GABRB1: variants seen among roughly 807,000 people sequenced by gnomAD.
GABRB1 encodes gamma-aminobutyric acid type A receptor subunit beta1, also known as gamma-aminobutyric acid receptor subunit beta-1.
A neutral mutation model predicts 51.6 loss-of-function variants in GABRB1; 17 were observed. The ratio of observed to expected loss-of-function variants is 0.33; its 90% CI spans 0.23 to 0.49. The LOEUF is 0.49. Among genes scored for constraint, GABRB1 ranks in the 20% least tolerant of loss-of-function variants. GABRB1 has a pLI of 0.99. For missense variants in GABRB1, 410 were observed against 600.6 expected (o/e 0.68, Z 3.32); for synonymous variants, 247 against 218.9 (o/e 1.13, Z -1.14).
At chr4:47,122,023 C>G (rs1360337056) in intron 3 of GABRB1, among the ~76,000 whole-genome samples, 1 of 103,794 alleles carries the variant, frequency 9.6e-6, no homozygotes, top group East Asian at 2.7e-4. Flanking sequence ...TAATCCATTT[C>G]CATGATATCT....
chr4:47,238,965 C>A (rs1185793815), intron 4 of GABRB1, among the ~76,000 whole-genome samples: 1 of 152,166 alleles, frequency 6.6e-6, no homozygotes, highest in Non-Finnish European at 1.5e-5. Flanking sequence ...GACAGACATT[C>A]ATGGTCAATG....
intron 3 of GABRB1, among the ~76,000 whole-genome samples, chr4:47,042,868 T>C (rs546472329): frequency 6.6e-6 from 1 of 152,078 alleles, no homozygotes; most frequent in East Asian, 1.9e-4. Context: ...AAATTATACA[T>C]ATACCTCATG....
Position 47,376,344 on chromosome 4 carries a change from G to T in GABRB1, c.545-26974G>T, listed in dbSNP as rs113809131. The stretch of plus-strand genomic sequence containing the variant: ...GGCCAAAAAGGGCCCAGAGGATCTG[G>T]CGGTTAAGAAGCCATAGATGGGCCG... On this transcript the variant is annotated intron_variant, in intron 5 of 8. Transcript: ENST00000295454. 5.9e-3 allele frequency among the ~76,000 whole-genome samples: 896 copies of T among 152,294 alleles called. 9 individuals carry two copies. The highest frequency in any genetic ancestry group is 0.02 in the African/African-American group (829 of 41,560).
chr4:47,140,765 T>C (rs1466373659), intron 3 of GABRB1, among the ~76,000 whole-genome samples: 1 of 149,598 alleles, frequency 6.7e-6, no homozygotes, highest in Non-Finnish European at 1.5e-5. Context: ...TGTTTTTTGT[T>C]TTTTTTTTTT....
intron 1 of GABRB1, among the ~76,000 whole-genome samples, chr4:47,015,186 G>A (rs756180948): frequency 2.6e-5 from 4 of 152,152 alleles, no homozygotes; most frequent in Admixed American, 6.5e-5. Context: ...GATTACAGGC[G>A]TGAGCCTCTG....
chr4:47,260,049 T>C lies in GABRB1; in HGVS notation c.462-60078T>C, dbSNP rs1316557785. On this transcript the variant is annotated intron_variant, in intron 4 of 8. Coordinates refer to ENST00000295454, the MANE Select transcript of GABRB1 (RefSeq NM_000812.4). ...ACATATTTAGGATAGTTAGCTCTTCTTGTTGAATTGATCCCTTTACCATTA... is the reference window on the plus strand; with the variant it reads ...ACATATTTAGGATAGTTAGCTCTTCCTGTTGAATTGATCCCTTTACCATTA... Among the ~76,000 whole-genome samples the C allele has an allele frequency of 2.6e-5, 4 of 152,310 alleles. No homozygotes were observed. In the East Asian group the frequency reaches 7.7e-4, roughly 29 times the overall value.
intron 3 of GABRB1, among the ~76,000 whole-genome samples, chr4:47,123,970 C>A (rs1715995643): frequency 8.9e-6 from 1 of 112,950 alleles, no homozygotes; most frequent in African/African-American, 3.5e-5. Context: ...TGTATAAATG[C>A]ACACATGCAC....
Position 47,394,006 on chromosome 4 carries a change from A to T in GABRB1, c.545-9312A>T, listed in dbSNP as rs186605175. On this transcript the variant is annotated intron_variant, in intron 5 of 8. Transcript: ENST00000295454. ...AGAACTAGGTATTGTTCTGTGCTTCATCAGGGATCCTGATGGATATCTAGA... is the reference window on the plus strand; with the variant it reads ...AGAACTAGGTATTGTTCTGTGCTTCTTCAGGGATCCTGATGGATATCTAGA... Among the ~76,000 whole-genome samples, 14 of 152,346 alleles carry T rather than the reference A, an allele frequency of 9.2e-5. 1 individual carries two copies. The highest frequency in any genetic ancestry group is 7.8e-4 in the Admixed American group (12 of 15,302).
At chr4:47,118,011 A>G (rs966410893) in intron 3 of GABRB1, among the ~76,000 whole-genome samples, 1 of 152,198 alleles carries the variant, frequency 6.6e-6, no homozygotes, top group Non-Finnish European at 1.5e-5. Context: ...TATATTCAGC[A>G]CCCAAAATAG....
At chr4:47,413,202 C>G (rs13434696) in intron 8 of GABRB1, among the ~76,000 whole-genome samples, 42,327 of 152,076 alleles carry the variant, frequency 0.28, 6,340 homozygotes, top group African/African-American at 0.39. Context: ...GAAATTCCGC[C>G]GAGGTCTCTG....
chr4:47,370,441 C>T (rs773833965), intron 5 of GABRB1, among the ~76,000 whole-genome samples: 6 of 151,156 alleles, frequency 4.0e-5, no homozygotes, highest in East Asian at 1.9e-4. Flanking sequence ...AAGCTGAGAT[C>T]GCGCCACTGC....
intron 3 of GABRB1, among the ~76,000 whole-genome samples, chr4:47,100,044 T>C (rs1462952344): frequency 6.6e-6 from 1 of 152,042 alleles, no homozygotes; most frequent in Non-Finnish European, 1.5e-5. Context: ...TTACTTAATT[T>C]TTTATATTGA....
chr4:47,344,479 T>A (rs1726016138), intron 5 of GABRB1, among the ~76,000 whole-genome samples: 2 of 152,228 alleles, frequency 1.3e-5, no homozygotes. Context: ...GTTATTGTTT[T>A]TAGTTTGGAG....
At chr4:47,288,872 G>T (rs1415238982) in intron 4 of GABRB1, among the ~76,000 whole-genome samples, 1 of 152,170 alleles carries the variant, frequency 6.6e-6, no homozygotes, top group Non-Finnish European at 1.5e-5. Flanking sequence ...GGTCTACCCA[G>T]AGTTCACATT....
intron 3 of GABRB1, among the ~76,000 whole-genome samples, chr4:47,142,431 G>A (rs1306054609): frequency 6.6e-6 from 1 of 151,866 alleles, no homozygotes; most frequent in East Asian, 1.9e-4. Context: ...TAAGGGATGT[G>A]GCTAGGCATA....
At chr4:47,195,440 ATAGATG>A (rs1560580319) in intron 4 of GABRB1, among the ~76,000 whole-genome samples, 3 of 107,094 alleles carry the variant, frequency 2.8e-5, no homozygotes, top group African/African-American at 1.3e-4. Flanking sequence ...AGATAGATAG[ATAGATG>A]ATAGATAGAT....
Position 47,108,551 on chromosome 4 carries a change from C to G in GABRB1, c.241-52698C>G, listed in dbSNP as rs573620877. Among the ~76,000 whole-genome samples the G allele has an allele frequency of 7.9e-5, 12 of 152,040 alleles. No individual in the cohort carries two copies. The South Asian group carries it at 2.5e-3, about 32-fold the overall frequency. On this transcript the variant is annotated intron_variant, in intron 3 of 8. Transcript: ENST00000295454. Reference sequence around the variant, plus strand: ...CACCTATATTAATTATTTCTCAGCACAAAGAGAAAGCTAAGGGAATCTTCC... The same window carrying G: ...CACCTATATTAATTATTTCTCAGCAGAAAGAGAAAGCTAAGGGAATCTTCC...
At chr4:47,392,089 T>TA (rs201077519) in intron 5 of GABRB1, among the ~76,000 whole-genome samples, 7,186 of 139,726 alleles carry the variant, frequency 0.051, 480 homozygotes, top group African/African-American at 0.16. Flanking sequence ...TTGGAAGGGC[T>TA]AAAAAAAAAA....
intron 8 of GABRB1, among the ~76,000 whole-genome samples, chr4:47,410,341 T>C (rs1728720521): frequency 6.6e-6 from 1 of 152,148 alleles, no homozygotes; most frequent in South Asian, 2.1e-4. Flanking sequence ...TGTGAGCACA[T>C]TTTTAGAAAT....
Sources: gnomAD v4.1 joint callset for allele counts (sites outside exome capture counted in the v4.1 genomes callset) on GRCh38, gnomAD v4.1.1 for gene constraint, MANE v1.5 for transcripts, NCBI Gene and HGNC (gene_info 2026-07-23, HGNC 2026-07-21) for gene names.